C6orf89: variants seen among roughly 807,000 people sequenced by gnomAD.
C6orf89 encodes chromosome 6 open reading frame 89, also known as bombesin receptor-activated protein C6orf89.
A neutral mutation model predicts 40.7 loss-of-function variants in C6orf89; 29 were observed. The ratio of observed to expected loss-of-function variants is 0.71; its 90% CI spans 0.53 to 0.97. C6orf89 has a LOEUF of 0.97. C6orf89 is among the 50% of genes least tolerant of loss of function. C6orf89 has a pLI of 0.00. For missense variants in C6orf89, 392 were observed against 429.1 expected (o/e 0.91, Z 0.76); for synonymous variants, 165 against 152.2 (o/e 1.08, Z -0.62).
chr6:36,911,490 C>CA (rs565398766), intron 4 of C6orf89, among the ~76,000 whole-genome samples: 263 of 150,830 alleles, frequency 1.7e-3, no homozygotes, highest in African/African-American at 6.1e-3. Context: ...ACTCCATCTC[C>CA]AAAAAAAATA....
intron 1 of C6orf89, chr6:36,874,579 G>C (rs1266607292): frequency 1.7e-6 from 2 of 1,194,366 alleles, no homozygotes; most frequent in African/African-American, 3.1e-5. Flanking sequence ...CAACCCTCTG[G>C]GGGCCGTCTC....
intron 1 of C6orf89, chr6:36,872,029 G>T: frequency 1.6e-6 from 1 of 631,214 alleles, no homozygotes; most frequent in Non-Finnish European, 2.5e-6. Flanking sequence ...ACACCACAAT[G>T]CAAGTAACAT....
intron 3 of C6orf89, among the ~76,000 whole-genome samples, chr6:36,901,243 A>G (rs1420189182): frequency 6.6e-6 from 1 of 150,664 alleles, no homozygotes; most frequent in Non-Finnish European, 1.5e-5. Flanking sequence ...TGGCCTCCCA[A>G]AGTGCTGGAA....
At position 36,919,602 on chromosome 6, in the gene C6orf89, A is replaced by G; in HGVS notation, c.850A>G (p.Ile284Val). The G allele has an allele frequency of 6.2e-7, 1 of 1,613,842 alleles. No homozygotes were observed. The change falls in exon 8 of 9, where the codon ATC becomes GTC. Residue 284 changes from isoleucine to valine, a missense_variant. Ile to Val is a conservative substitution (Grantham distance 29). Transcript: ENST00000480824. ...SKMHKMPDLF[I>V]IGSGEAMLQL... ...GATGCATAAGATGCCTGACCTATTT[A>G]TCATTGGCAGCGGTGAGGCCATGTT...
At chr6:36,896,391 G>GAATCCC (rs1159923179) in intron 2 of C6orf89, among the ~76,000 whole-genome samples, 2 of 152,188 alleles carry the variant, frequency 1.3e-5, no homozygotes, top group Non-Finnish European at 2.9e-5. Flanking sequence ...ACAGACGTGA[G>GAATCCC]CCACTGCACC....
Position 36,916,513 on chromosome 6 carries a change from C to T in C6orf89, c.764C>T (p.Pro255Leu), listed in dbSNP as rs755828718. The change falls in exon 7 of 9, where the codon CCA becomes CTA. Residue 255 changes from proline (P) to leucine (L), a missense_variant. Pro to Leu is a moderately conservative substitution (Grantham distance 98, BLOSUM62 -3). Transcript: ENST00000480824. ...CCTGTTTTCACTCACCTGCCATTTC[C>T]AAAAGATGCCTCTTTAAACAAGTGC... ...LFPVFTHLPF[P>L]KDASLNKCSF... 3.7e-6 allele frequency: 6 copies of T among 1,614,206 alleles called. No homozygotes were observed. The Admixed American group carries it at 5.0e-5, about 13-fold the overall frequency.
chr6:36,913,563 TCCACA>T (rs1265765927), intron 4 of C6orf89, among the ~76,000 whole-genome samples: 1 of 152,178 alleles, frequency 6.6e-6, no homozygotes, highest in Non-Finnish European at 1.5e-5. Context: ...CACCCTTCTA[TCCACA>T]CCAGCCCCCC....
At chr6:36,911,459 C>T (rs1280837839) in intron 4 of C6orf89, among the ~76,000 whole-genome samples, 1 of 152,028 alleles carries the variant, frequency 6.6e-6, no homozygotes, top group Non-Finnish European at 1.5e-5. Context: ...CACTGCACTC[C>T]AGCCTGGGCG....
intron 2 of C6orf89, among the ~76,000 whole-genome samples, chr6:36,879,637 T>C (rs143763090): frequency 5.3e-5 from 8 of 152,296 alleles, no homozygotes; most frequent in African/African-American, 1.9e-4. Context: ...ATTTGTGCTA[T>C]GAATTCGTTT....
chr6:36,913,550 G>A lies in C6orf89; in HGVS notation c.404-734G>A, dbSNP rs528820581. ...TGCATTAGGGCACAGCGATAATAGGGGTCACCCTTCTATCCACACCAGCCC... is the reference window on the plus strand; with the variant it reads ...TGCATTAGGGCACAGCGATAATAGGAGTCACCCTTCTATCCACACCAGCCC... On this transcript the variant is annotated intron_variant, in intron 4 of 8. Coordinates refer to ENST00000480824, the MANE Select transcript of C6orf89 (RefSeq NM_001286635.2). Among the ~76,000 whole-genome samples, 5 of 152,234 alleles carry A rather than the reference G, an allele frequency of 3.3e-5. No homozygotes were observed. The South Asian group carries it at 1.0e-3, about 32-fold the overall frequency.
chr6:36,887,958 C>G (rs1561857582), intron 1 of C6orf89, among the ~76,000 whole-genome samples: 1 of 152,126 alleles, frequency 6.6e-6, no homozygotes, highest in Non-Finnish European at 1.5e-5. Context: ...GTCCTGGGCT[C>G]AAGCAGTCCT....
In C6orf89 at chr6:36,923,328, C is replaced by A. The variant is rs1762576761; in HGVS notation, c.950-19C>A. 2 of 1,599,412 alleles carry A rather than the reference C, an allele frequency of 1.3e-6. No homozygotes were observed. Among genetic ancestry groups the A allele is most frequent in the African/African-American group, 1.3e-5 (1 of 74,640 alleles). Reference sequence around the variant, plus strand: ...CCCTCTGACATTTACATGCCTTCCTCTTGCTATTTCCCCTCAAGGCTATGT... The same window carrying A: ...CCCTCTGACATTTACATGCCTTCCTATTGCTATTTCCCCTCAAGGCTATGT... On this transcript the variant is annotated intron_variant, in intron 8 of 8. Transcript: ENST00000480824.
At chr6:36,897,035 A>G (rs1761454152) in intron 2 of C6orf89, among the ~76,000 whole-genome samples, 1 of 151,012 alleles carries the variant, frequency 6.6e-6, no homozygotes, top group Admixed American at 6.6e-5. Flanking sequence ...AGGCTGAGGC[A>G]GGAGAATCGC....
intron 4 of C6orf89, among the ~76,000 whole-genome samples, chr6:36,904,334 A>T (rs1029716949): frequency 1.3e-5 from 2 of 152,266 alleles, no homozygotes; most frequent in African/African-American, 2.4e-5. Context: ...TTTGCCTTGC[A>T]GATGGAAATA....
At chr6:36,914,142 A>G in intron 4 of C6orf89, 142 bp from the exon 5 acceptor site, 1 of 799,474 alleles carries the variant, frequency 1.3e-6, no homozygotes, top group Non-Finnish European at 1.9e-6. Context: ...CCTGGGCGAC[A>G]GAGTGAGACT....
intron 1 of C6orf89, among the ~76,000 whole-genome samples, chr6:36,878,492 A>G (rs1477031520): frequency 1.3e-5 from 2 of 152,176 alleles, no homozygotes; most frequent in African/African-American, 4.8e-5. Flanking sequence ...TTTTGTTTGT[A>G]TGAGGATGTT....
chr6:36,889,394 A>G (rs980983052), intron 1 of C6orf89, among the ~76,000 whole-genome samples: 2 of 152,096 alleles, frequency 1.3e-5, no homozygotes, highest in African/African-American at 4.8e-5. Flanking sequence ...TCTCCCCCCA[A>G]CCCCCAAAGG....
At chr6:36,896,142 C>G (rs574413647) in intron 2 of C6orf89, among the ~76,000 whole-genome samples, 2 of 152,192 alleles carry the variant, frequency 1.3e-5, no homozygotes, top group East Asian at 1.9e-4. Flanking sequence ...GAGTCTCACT[C>G]TGTCACCCAG....
chr6:36,889,918 CAG>C (rs1386125877), intron 1 of C6orf89, among the ~76,000 whole-genome samples: 1 of 152,066 alleles, frequency 6.6e-6, no homozygotes, highest in Non-Finnish European at 1.5e-5. Flanking sequence ...CTGGTAAAAA[CAG>C]AAAGAAAATA....
Sources: gnomAD v4.1 joint callset for allele counts (sites outside exome capture counted in the v4.1 genomes callset) on GRCh38, gnomAD v4.1.1 for gene constraint, MANE v1.5 for transcripts, NCBI Gene and HGNC (gene_info 2026-07-23, HGNC 2026-07-21) for gene names.